The following ABCC2 variants were observed in gnomAD, a reference collection of about 807,000 sequenced individuals.
The protein encoded by ABCC2 is ATP binding cassette subfamily C member 2.
ABCC2 carries 157 observed loss-of-function variants against 173.4 expected under a neutral mutation model. The ratio of observed to expected loss-of-function variants is 0.91; its 90% CI spans 0.80 to 1.03. The LOEUF (loss-of-function observed/expected upper bound fraction) is 1.03, where lower values mean the gene tolerates loss of function less well. ABCC2 is among the 50% of genes least tolerant of loss of function. The pLI is 0.00. For missense variants in ABCC2, 1,822 were observed against 1,852.3 expected, an observed-to-expected ratio of 0.98 and a Z score of 0.30; for synonymous variants, 657 against 693.5, an observed-to-expected ratio of 0.95 and a Z score of 0.83.
chr10:99,835,597 C>T lies in ABCC2; in HGVS notation c.3415-494C>T, dbSNP rs75506358. 3.7e-4 allele frequency among the ~76,000 whole-genome samples: 56 copies of T among 152,256 alleles called. 1 individual carries two copies. The East Asian group carries it at 0.01, about 27-fold the overall frequency. Reference sequence around the variant, plus strand: ...TCTGTACCTTCACACACCACCGAGGCACAGTTTTGGTCACTTAATTGAACA... The same window carrying T: ...TCTGTACCTTCACACACCACCGAGGTACAGTTTTGGTCACTTAATTGAACA... On this transcript the variant is annotated intron_variant, in intron 24 of 31. Coordinates refer to ENST00000647814, the MANE Select transcript of ABCC2 (RefSeq NM_000392.5).
Position 99,782,683 on chromosome 10 carries a change from C to A in ABCC2, c.-162C>A. On this transcript the variant is annotated 5_prime_UTR_variant, in exon 1 of 32. Transcript: ENST00000647814. ...TGTTTCAATGTAACATGCATCTAGG[C>A]AAGGTTAACGATTAAATGGTTGGGA... The A allele has an allele frequency of 2.5e-6, 2 of 811,988 alleles. No individual in the cohort carries two copies. Among genetic ancestry groups the A allele is most frequent in the Non-Finnish European group, 2.0e-6 (1 of 498,964 alleles). 50.3% of individuals were successfully genotyped at this position (811,988 alleles called of 1,614,324 possible).
At chr10:99,814,522 CATATAT>C (rs149877544) in intron 16 of ABCC2, among the ~76,000 whole-genome samples, 16 of 22,252 alleles carry the variant, frequency 7.2e-4, no homozygotes, top group African/African-American at 2.3e-3. Flanking sequence ...TGTATATATA[CATATAT>C]ATACACATAT....
intron 16 of ABCC2, 96 bp downstream of exon 16, chr10:99,813,240 G>A (rs1264703886): frequency 1.1e-5 from 16 of 1,479,572 alleles, no homozygotes; most frequent in African/African-American, 2.8e-5. Context: ...GGGCTAGTAG[G>A]TGAGGTCTTG....
intron 16 of ABCC2, among the ~76,000 whole-genome samples, chr10:99,814,672 CATATACACACACGTGT>C (rs2038357675): frequency 8.1e-6 from 1 of 124,216 alleles, no homozygotes; most frequent in African/African-American, 3.8e-5. Context: ...TGTATATACA[CATATACACACACGTGT>C]ATATACACAT....
At position 99,851,384 on chromosome 10, in the gene ABCC2, TTTCA is replaced by T. The variant is rs2133159589; in HGVS notation, c.4509-117_4509-114del. The T allele has an allele frequency of 4.1e-6, 5 of 1,219,168 alleles. No individual in the cohort carries two copies. The South Asian group carries it at 6.1e-5, about 15-fold the overall frequency. 75.5% of individuals were successfully genotyped at this position (1,219,168 alleles called of 1,614,324 possible). ...ATGTGTGTAGCTGTGGCTCATTGAT[TTTCA>T]CTGCTTTGTAGCCTTGTCTGACTAT... On this transcript the variant is annotated intron_variant, in intron 31 of 31. Transcript: ENST00000647814.
chr10:99,818,718 A>T, intron 17 of ABCC2, 72 bp from the exon 18 acceptor site: 1 of 1,569,648 alleles, frequency 6.4e-7, no homozygotes, highest in Non-Finnish European at 8.8e-7. Context: ...TCTTCCTTTT[A>T]CCCCTCCCTA....
intron 13 of ABCC2, among the ~76,000 whole-genome samples, chr10:99,808,490 A>G (rs1195948649): frequency 6.6e-6 from 1 of 152,042 alleles, no homozygotes; most frequent in Non-Finnish European, 1.5e-5. Context: ...GCATTTAGTG[A>G]GATTATTATG....
chr10:99,842,190 A>C, intron 26 of ABCC2, 97 bp downstream of exon 26: 1 of 1,551,370 alleles, frequency 6.4e-7, no homozygotes, highest in Non-Finnish European at 8.8e-7. Flanking sequence ...ATTCCTTCTT[A>C]AACCCAGAGG....
intron 30 of ABCC2, among the ~76,000 whole-genome samples, chr10:99,847,868 A>G (rs1198572596): frequency 1.3e-5 from 2 of 152,160 alleles, no homozygotes; most frequent in Non-Finnish European, 2.9e-5. Flanking sequence ...TAGTGAGCTG[A>G]GATCACACCA....
intron 11 of ABCC2, among the ~76,000 whole-genome samples, chr10:99,807,116 C>T (rs1286257695): frequency 6.6e-6 from 1 of 152,232 alleles, no homozygotes; most frequent in Admixed American, 6.5e-5. Context: ...GACTGGAAGG[C>T]CTGTGTCCTA....
At position 99,836,139 on chromosome 10, in the gene ABCC2, A is replaced by C. The variant is rs746520129; in HGVS notation, c.3463A>C (p.Thr1155Pro). ...CCAGCTGAGGCGTCTGGACTCTGTC[A>C]CCAGGTCCCCAATCTACTCTCACTT... ...SRQLRRLDSV[T>P]RSPIYSHFSE... The change falls in exon 25 of 32, where the codon ACC (threonine) becomes CCC (proline). Residue 1155 changes from threonine to proline, a missense_variant. Coordinates refer to ENST00000647814, the MANE Select transcript of ABCC2 (RefSeq NM_000392.5). 6.2e-7 allele frequency: 1 copy of C among 1,614,160 alleles called. No homozygotes were observed. Among genetic ancestry groups the C allele is most frequent in the South Asian group, 1.1e-5 (1 of 91,078 alleles).
At chr10:99,811,700 C>CT (rs2133044261) in intron 15 of ABCC2, 98 bp downstream of exon 15, 1 of 1,355,610 alleles carries the variant, frequency 7.4e-7, no homozygotes, top group African/African-American at 1.4e-5. Context: ...GGGAAATGAG[C>CT]TATGTGCATG....
chr10:99,799,835 A>G (rs555060079), intron 8 of ABCC2, among the ~76,000 whole-genome samples: 3 of 152,236 alleles, frequency 2.0e-5, no homozygotes, highest in Admixed American at 2.0e-4. Flanking sequence ...TAGGTGGAGC[A>G]TTTCTGTCAT....
chr10:99,831,644 G>A lies in ABCC2; in HGVS notation c.2917G>A (p.Ala973Thr). The A allele has an allele frequency of 6.2e-7, 1 of 1,614,172 alleles. No individual in the cohort carries two copies. The change falls in exon 22 of 32, where the codon GCA (alanine) becomes ACA (threonine). Residue 973 changes from alanine (A) to threonine (T), a missense_variant. Transcript: ENST00000647814. Reference protein sequence around the residue: ...KFSIYLEYLQAIGLFSIFFII... With the variant: ...KFSIYLEYLQTIGLFSIFFII... ...CTCCATCTACCTGGAGTACCTACAA[G>A]CAATAGGATTGTTTTCGATATTCTT... is the stretch of plus-strand genomic sequence containing the variant.
chr10:99,827,926 A>C, intron 19 of ABCC2, among the ~76,000 whole-genome samples: 1 of 11,120 alleles, frequency 9.0e-5, no homozygotes. Context: ...GCGTACCTTC[A>C]CCCTAGAGAA....
chr10:99,840,895 C>A (rs983235260), intron 25 of ABCC2, among the ~76,000 whole-genome samples: 2 of 151,922 alleles, frequency 1.3e-5, no homozygotes, highest in Admixed American at 1.3e-4. Context: ...GTTCCAGAAG[C>A]TTTCCTGCCA....
rs1269329134 is a variant in ABCC2 at position 99,799,271 on chromosome 10, T to C, written c.932T>C (p.Met311Thr). 3.7e-6 allele frequency: 6 copies of C among 1,614,080 alleles called. No homozygotes were observed. The highest frequency in any genetic ancestry group is 5.1e-6 in the Non-Finnish European group (6 of 1,180,032). ...TKKDVPKSWL[M>T]KALFKTFYMV... The stretch of plus-strand genomic sequence containing the variant: ...AAAGATGTTCCAAAATCCTGGTTGA[T>C]GAAGGCTCTGTTCAAAACTTTCTAC... Residue 311 changes from methionine to threonine, a missense_variant, in exon 8 of 32, where the codon ATG becomes ACG. Physicochemically the swap from Met to Thr is moderately conservative, Grantham distance 81. Transcript: ENST00000647814.
intron 2 of ABCC2, among the ~76,000 whole-genome samples, chr10:99,788,299 C>G (rs1323807185): frequency 6.6e-6 from 1 of 152,148 alleles, no homozygotes; most frequent in Non-Finnish European, 1.5e-5. Context: ...GCATTTTTCT[C>G]TCTTTTTGTG....
At chr10:99,825,826 A>G (rs2038628828) in intron 19 of ABCC2, among the ~76,000 whole-genome samples, 1 of 152,182 alleles carries the variant, frequency 6.6e-6, no homozygotes, top group African/African-American at 2.4e-5. Context: ...CTACTGCTGC[A>G]CTGCCGCTCG....
Sources: gnomAD v4.1 joint callset for allele counts (sites outside exome capture counted in the v4.1 genomes callset) on GRCh38, gnomAD v4.1.1 for gene constraint, MANE v1.5 for transcripts, NCBI Gene and HGNC (gene_info 2026-07-23, HGNC 2026-07-21) for gene names.